The following KCNIP4 variants were observed in gnomAD, a reference collection of about 807,000 sequenced individuals.
KCNIP4 encodes Kv channel-interacting protein 4.
KCNIP4 carries 12 observed loss-of-function variants against 34.0 expected under a neutral mutation model. That is an observed-to-expected ratio of 0.35 (90% CI 0.23 to 0.57). The LOEUF is 0.57. Among genes scored for constraint, KCNIP4 ranks in the 20% least tolerant of loss-of-function variants. KCNIP4 has a pLI of 0.83. For missense variants in KCNIP4, 238 were observed against 311.7 expected (o/e 0.76, Z 1.78); for synonymous variants, 124 against 102.2 (o/e 1.21, Z -1.29).
chr4:21,133,995 T>C (rs1429100432), intron 1 of KCNIP4, among the ~76,000 whole-genome samples: 1 of 152,194 alleles, frequency 6.6e-6, no homozygotes, highest in African/African-American at 2.4e-5. Context: ...CTTTCCCCAG[T>C]TGCTTGGACA....
chr4:20,775,208 G>C lies in KCNIP4; in HGVS notation c.289-16318C>G, dbSNP rs532913265. On this transcript the variant is annotated intron_variant, in intron 3 of 8. Transcript: ENST00000382152. Reference sequence around the variant, plus strand: ...CTTTGTGCATATGAATTTATTTCAAGGGAACAATAGTTTCAACATATATGG... The same window carrying C: ...CTTTGTGCATATGAATTTATTTCAACGGAACAATAGTTTCAACATATATGG... Among the ~76,000 whole-genome samples, 200 of 152,228 alleles carry C rather than the reference G, an allele frequency of 1.3e-3. 4 individuals carry two copies. The South Asian group carries it at 0.04, about 30-fold the overall frequency.
chr4:20,993,639 C>T (rs1439986514), intron 1 of KCNIP4, among the ~76,000 whole-genome samples: 3 of 152,208 alleles, frequency 2.0e-5, no homozygotes, highest in Admixed American at 1.3e-4. Flanking sequence ...CTAGAACTCA[C>T]AGTCAGTGTT....
At chr4:21,327,641 G>A (rs2109316114) in intron 1 of KCNIP4, among the ~76,000 whole-genome samples, 1 of 152,046 alleles carries the variant, frequency 6.6e-6, no homozygotes, top group South Asian at 2.1e-4. Context: ...TCTACCCGTA[G>A]CTCTCTCTCT....
intron 1 of KCNIP4, among the ~76,000 whole-genome samples, chr4:21,470,188 TCAG>T (rs1469535142): frequency 1.3e-5 from 2 of 152,154 alleles, no homozygotes; most frequent in Non-Finnish European, 2.9e-5. Context: ...TACTGCCGGT[TCAG>T]AGAAAGGAGG....
chr4:21,208,906 G>A (rs1757035821), intron 1 of KCNIP4, among the ~76,000 whole-genome samples: 1 of 152,082 alleles, frequency 6.6e-6, no homozygotes, highest in Non-Finnish European at 1.5e-5. Flanking sequence ...AGAGCAAGCA[G>A]GGGAAATGCC....
intron 1 of KCNIP4, among the ~76,000 whole-genome samples, chr4:21,003,082 C>A (rs1738277581): frequency 6.6e-6 from 1 of 152,142 alleles, no homozygotes; most frequent in South Asian, 2.1e-4. Flanking sequence ...GTTCGTGTAC[C>A]ATTTCCCAAG....
At position 21,896,027 on chromosome 4, in the gene KCNIP4, A is replaced by G. The variant is rs183531191; in HGVS notation, c.61+52544T>C. Among the ~76,000 whole-genome samples, 38 of 152,296 alleles carry G rather than the reference A, an allele frequency of 2.5e-4. No individual in the cohort carries two copies. The East Asian group carries it at 6.0e-3, about 24-fold the overall frequency. ...GTACTGATGAGGCTTTGCCAACTCC[A>G]TCACTAACCCAGGGTTTCAGATATT... On this transcript the variant is annotated intron_variant, in intron 1 of 8. Coordinates refer to ENST00000382152, the MANE Select transcript of KCNIP4 (RefSeq NM_025221.6).
At chr4:21,034,165 A>C (rs1185024070) in intron 1 of KCNIP4, among the ~76,000 whole-genome samples, 1 of 152,220 alleles carries the variant, frequency 6.6e-6, no homozygotes, top group Non-Finnish European at 1.5e-5. Flanking sequence ...GAAATTTTTT[A>C]CATCTCATTA....
At chr4:21,192,607 A>T (rs1205526155) in intron 1 of KCNIP4, among the ~76,000 whole-genome samples, 1 of 152,156 alleles carries the variant, frequency 6.6e-6, no homozygotes, top group Non-Finnish European at 1.5e-5. Flanking sequence ...CTTTATCCTC[A>T]TATCTTTGAA....
At chr4:21,277,064 A>G (rs1265345682) in intron 1 of KCNIP4, among the ~76,000 whole-genome samples, 1 of 152,224 alleles carries the variant, frequency 6.6e-6, no homozygotes, top group Non-Finnish European at 1.5e-5. Flanking sequence ...GAGGAAAAAT[A>G]TACATATAGT....
At chr4:21,775,959 C>T (rs778842517) in intron 1 of KCNIP4, among the ~76,000 whole-genome samples, 3 of 152,224 alleles carry the variant, frequency 2.0e-5, no homozygotes, top group Non-Finnish European at 2.9e-5. Flanking sequence ...GCAGCCACAG[C>T]TGGTGCGGGT....
chr4:21,180,423 A>AT (rs895792156), intron 1 of KCNIP4, among the ~76,000 whole-genome samples: 8 of 152,054 alleles, frequency 5.3e-5, no homozygotes, highest in Admixed American at 3.9e-4. Flanking sequence ...ATATTAAAGA[A>AT]TTTTTTTATG....
chr4:21,324,104 T>C (rs1312799801), intron 1 of KCNIP4, among the ~76,000 whole-genome samples: 2 of 152,100 alleles, frequency 1.3e-5, no homozygotes, highest in Non-Finnish European at 2.9e-5. Context: ...TATCAGATTT[T>C]TTTCCTATGG....
intron 1 of KCNIP4, among the ~76,000 whole-genome samples, chr4:21,146,640 G>T (rs1241922160): frequency 6.6e-6 from 1 of 152,110 alleles, no homozygotes; most frequent in African/African-American, 2.4e-5. Context: ...TGGCAAATTT[G>T]TTATCAGCGG....
intron 1 of KCNIP4, among the ~76,000 whole-genome samples, chr4:21,055,465 C>T (rs1743317848): frequency 1.3e-5 from 2 of 152,148 alleles, no homozygotes; most frequent in South Asian, 4.1e-4. Flanking sequence ...AAAACCTGCA[C>T]ATAGATATTT....
intron 3 of KCNIP4, among the ~76,000 whole-genome samples, chr4:20,828,036 A>G (rs1373314309): frequency 1.3e-5 from 2 of 152,096 alleles, no homozygotes; most frequent in African/African-American, 2.4e-5. Flanking sequence ...TTTTCCTTAT[A>G]TAATTTGGGA....
At chr4:21,536,467 A>G (rs1737173067) in intron 1 of KCNIP4, among the ~76,000 whole-genome samples, 1 of 152,008 alleles carries the variant, frequency 6.6e-6, no homozygotes, top group Admixed American at 6.6e-5. Flanking sequence ...CTGTGTTTAC[A>G]TATATTACCT....
intron 1 of KCNIP4, among the ~76,000 whole-genome samples, chr4:21,752,903 T>C (rs892400010): frequency 6.6e-6 from 1 of 152,180 alleles, no homozygotes; most frequent in Non-Finnish European, 1.5e-5. Context: ...TGCACAGTTA[T>C]TTTTATTTGA....
intron 1 of KCNIP4, among the ~76,000 whole-genome samples, chr4:21,362,769 T>C (rs536921351): frequency 1.3e-5 from 2 of 152,216 alleles, no homozygotes; most frequent in South Asian, 2.1e-4. Flanking sequence ...AATATTCTTG[T>C]ATATTGTTTA....
Sources: allele counts gnomAD v4.1 joint callset (sites outside exome capture counted in the v4.1 genomes callset), GRCh38; gene constraint gnomAD v4.1.1; transcripts MANE v1.5; gene names NCBI Gene and HGNC (gene_info 2026-07-23, HGNC 2026-07-21).